NTRK3: variants seen among roughly 807,000 people sequenced by gnomAD.
NTRK3 encodes the protein NT-3 growth factor receptor.
In NTRK3, 24 loss-of-function variants were observed where a neutral mutation model predicts 91.7. That is an observed-to-expected ratio of 0.26 (90% CI 0.19 to 0.37). The LOEUF (loss-of-function observed/expected upper bound fraction) is 0.37. Ranked by LOEUF, NTRK3 falls within the 10% of genes least tolerant of loss-of-function variation. NTRK3 has a pLI of 1.00. For missense variants in NTRK3, 880 were observed against 1,068.9 expected (o/e 0.82, Z 2.46); for synonymous variants, 483 against 404.0 (o/e 1.20, Z -2.34).
intron 13 of NTRK3, among the ~76,000 whole-genome samples, chr15:88,039,656 C>G (rs2079413806): frequency 6.6e-6 from 1 of 152,204 alleles, no homozygotes; most frequent in East Asian, 1.9e-4. Flanking sequence ...GCTTGTTCCC[C>G]AGTGCCGTAA....
intron 17 of NTRK3, among the ~76,000 whole-genome samples, chr15:87,893,394 G>A (rs1164630656): frequency 1.3e-5 from 2 of 152,186 alleles, no homozygotes; most frequent in Non-Finnish European, 2.9e-5. Context: ...TCGAAGTCTA[G>A]TGGCTACAAA....
chr15:87,929,852 A>T (rs909507136), intron 16 of NTRK3, among the ~76,000 whole-genome samples: 1 of 152,228 alleles, frequency 6.6e-6, no homozygotes, highest in Non-Finnish European at 1.5e-5. Context: ...GAAATAAAGA[A>T]ATTGAGGCAC....
At chr15:87,898,203 C>A (rs1174817047) in intron 17 of NTRK3, among the ~76,000 whole-genome samples, 2 of 152,198 alleles carry the variant, frequency 1.3e-5, no homozygotes, top group African/African-American at 4.8e-5. Flanking sequence ...TACAATGAGA[C>A]AATAATCCCA....
chr15:87,976,380 T>G (rs908308565), intron 14 of NTRK3, among the ~76,000 whole-genome samples: 1 of 152,222 alleles, frequency 6.6e-6, no homozygotes, highest in East Asian at 1.9e-4. Context: ...CCTGATCAAC[T>G]TCCTGTCAGA....
intron 13 of NTRK3, among the ~76,000 whole-genome samples, chr15:88,109,418 G>A (rs367673951): frequency 2.7e-4 from 41 of 152,248 alleles, no homozygotes; most frequent in African/African-American, 9.4e-4. Flanking sequence ...CAAGGAGCTC[G>A]TCCTTCCTGA....
chr15:88,022,375 G>T (rs538508736), intron 14 of NTRK3, among the ~76,000 whole-genome samples: 1 of 152,216 alleles, frequency 6.6e-6, no homozygotes, highest in South Asian at 2.1e-4. Flanking sequence ...CTCATCTTTT[G>T]ATTCCTATCT....
At chr15:88,046,516 G>A (rs1014623596) in intron 13 of NTRK3, among the ~76,000 whole-genome samples, 3 of 152,166 alleles carry the variant, frequency 2.0e-5, no homozygotes, top group Non-Finnish European at 4.4e-5. Flanking sequence ...TCAACCAGGG[G>A]AGGACAGAGA....
At chr15:87,920,278 T>C (rs1226284825) in intron 17 of NTRK3, among the ~76,000 whole-genome samples, 1 of 152,234 alleles carries the variant, frequency 6.6e-6, no homozygotes. Context: ...TCCTTCTGTG[T>C]TCATTCCCTC....
intron 14 of NTRK3, among the ~76,000 whole-genome samples, chr15:88,006,560 C>A (rs2076503376): frequency 6.6e-6 from 1 of 152,178 alleles, no homozygotes; most frequent in African/African-American, 2.4e-5. Flanking sequence ...TCCACAGGCA[C>A]AGGACACATG....
At chr15:88,249,883 T>G (rs1344913382) in intron 3 of NTRK3, among the ~76,000 whole-genome samples, 2 of 152,162 alleles carry the variant, frequency 1.3e-5, no homozygotes, top group Admixed American at 1.3e-4. Context: ...AGCCTCTATC[T>G]GGGCCACTCT....
At chr15:87,981,489 C>T (rs2074265042) in intron 14 of NTRK3, 3 of 1,260,552 alleles carry the variant, frequency 2.4e-6, no homozygotes, top group East Asian at 2.3e-5. Flanking sequence ...AGCTCCTGTA[C>T]CCACTCTGCT....
chr15:88,197,229 C>A (rs568716414), intron 3 of NTRK3, among the ~76,000 whole-genome samples: 1 of 149,746 alleles, frequency 6.7e-6, no homozygotes, highest in South Asian at 2.2e-4. Context: ...TCTGTGAGGT[C>A]TTTTCTTTCT....
intron 5 of NTRK3, among the ~76,000 whole-genome samples, chr15:88,149,100 G>T (rs142654012): frequency 1.5e-4 from 23 of 152,284 alleles, no homozygotes; most frequent in African/African-American, 4.1e-4. Context: ...TCATGGGAGA[G>T]GTTGGGGCTG....
intron 3 of NTRK3, among the ~76,000 whole-genome samples, chr15:88,226,316 T>C (rs549580256): frequency 1.3e-5 from 2 of 152,008 alleles, no homozygotes; most frequent in Non-Finnish European, 2.9e-5. Context: ...ACCCCAGAGG[T>C]TGCAGCCACC....
exon 19 of NTRK3, chr15:87,873,874 T>G (rs1234732414): frequency 4.3e-6 from 1 of 230,952 alleles, no homozygotes; most frequent in East Asian, 6.1e-5. Context: ...TTATTGGAAC[T>G]CAGCCTTGCC....
At chr15:87,931,734 A>C (rs2068811845) in intron 16 of NTRK3, among the ~76,000 whole-genome samples, 1 of 152,202 alleles carries the variant, frequency 6.6e-6, no homozygotes, top group South Asian at 2.1e-4. Context: ...CCTGACTCAT[A>C]AGCAGAGCTC....
At chr15:87,926,291 C>T (rs933163731) in intron 17 of NTRK3, among the ~76,000 whole-genome samples, 1 of 152,162 alleles carries the variant, frequency 6.6e-6, no homozygotes, top group African/African-American at 2.4e-5. Context: ...TACATTAGGA[C>T]ACTGTGAGTA....
chr15:88,223,091 C>T (rs1478700838), intron 3 of NTRK3, among the ~76,000 whole-genome samples: 1 of 152,198 alleles, frequency 6.6e-6, no homozygotes, highest in African/African-American at 2.4e-5. Flanking sequence ...CCTGCTCCCT[C>T]CAGCCAGAGC....
At chr15:88,019,635 A>C (rs2141869380) in intron 14 of NTRK3, among the ~76,000 whole-genome samples, 1 of 152,324 alleles carries the variant, frequency 6.6e-6, no homozygotes, top group South Asian at 2.1e-4. Flanking sequence ...AAGAAAAGAC[A>C]ACCCTGTGGG....
Sources: allele counts gnomAD v4.1 joint callset (sites outside exome capture counted in the v4.1 genomes callset), GRCh38; gene constraint gnomAD v4.1.1; transcripts MANE v1.5; gene names NCBI Gene and HGNC (gene_info 2026-07-23, HGNC 2026-07-21).